The following PXK variants were observed in gnomAD, a reference collection of about 807,000 sequenced individuals.
The protein encoded by PXK is PX domain-containing protein kinase-like protein.
PXK carries 35 observed loss-of-function variants against 84.7 expected under a neutral mutation model. That is an observed-to-expected ratio of 0.41 (90% CI 0.32 to 0.55). The LOEUF (loss-of-function observed/expected upper bound fraction) is 0.55, where lower values mean the gene tolerates loss of function less well. Among genes scored for constraint, PXK ranks in the 20% least tolerant of loss-of-function variants. The pLI is 0.21. For missense variants in PXK, 634 were observed against 699.7 expected (o/e 0.91, Z 1.06); for synonymous variants, 253 against 260.8 (o/e 0.97, Z 0.29).
At chr3:58,423,035 A>C in intron 17 of PXK, 1 of 985,170 alleles carries the variant, frequency 1.0e-6, no homozygotes, top group Non-Finnish European at 1.2e-6. Flanking sequence ...ACTGGCACCT[A>C]CTTACCCCCA....
chr3:58,353,239 C>T (rs113943202), intron 1 of PXK, among the ~76,000 whole-genome samples: 7,003 of 152,174 alleles, frequency 0.046, 230 homozygotes, highest in Middle Eastern at 0.092. Context: ...CCTCGTGATC[C>T]GCCCGCCTCG....
At chr3:58,339,736 C>T (rs1210880375) in intron 1 of PXK, among the ~76,000 whole-genome samples, 2 of 152,278 alleles carry the variant, frequency 1.3e-5, no homozygotes, top group East Asian at 1.9e-4. Flanking sequence ...TTTTGCTTCC[C>T]TAGGGAACAG....
chr3:58,340,717 C>G (rs1025441155), intron 1 of PXK, among the ~76,000 whole-genome samples: 1 of 150,118 alleles, frequency 6.7e-6, no homozygotes, highest in African/African-American at 2.5e-5. Flanking sequence ...AAGAGGGAAA[C>G]TCTGTCTCAA....
chr3:58,417,868 GTC>G (rs1013334735), intron 17 of PXK, among the ~76,000 whole-genome samples: 1 of 152,172 alleles, frequency 6.6e-6, no homozygotes, highest in African/African-American at 2.4e-5. Context: ...TTGAGACAGG[GTC>G]TCTCTCTGTC....
At position 58,399,518 on chromosome 3, in the gene PXK, C is replaced by A; in HGVS notation, c.1181+141C>A. 2 of 759,596 alleles carry A rather than the reference C, an allele frequency of 2.6e-6. No homozygotes were observed. The highest frequency in any genetic ancestry group is 4.5e-6 in the Non-Finnish European group (2 of 443,224). 47.1% of individuals were successfully genotyped at this position (759,596 alleles called of 1,614,324 possible). On this transcript the variant is annotated intron_variant, in intron 12 of 17. Transcript: ENST00000356151. This position sits in a 1 kb window ranked among gnomAD's most constrained non-coding sequence, Gnocchi z 4.3. Reference sequence around the variant, plus strand: ...TGGCCTGCTTGCTGATGGGCACTTGCAGCATGATATCCTCACCCTTTGTTT... The same window carrying A: ...TGGCCTGCTTGCTGATGGGCACTTGAAGCATGATATCCTCACCCTTTGTTT...
chr3:58,337,592 C>A (rs1278974386), intron 1 of PXK, among the ~76,000 whole-genome samples: 1 of 152,084 alleles, frequency 6.6e-6, no homozygotes, highest in African/African-American at 2.4e-5. Flanking sequence ...GCCTCAGCCT[C>A]CTGAGTAGCT....
chr3:58,422,081 C>T, intron 17 of PXK: 2 of 985,362 alleles, frequency 2.0e-6, no homozygotes, highest in Non-Finnish European at 2.4e-6. Flanking sequence ...GTTGCCCCTG[C>T]CCCCTCTTCC....
At position 58,416,697 on chromosome 3, in the gene PXK, T is replaced by C. The variant is rs1254656636; in HGVS notation, c.1528+3734T>C. 6.6e-6 allele frequency among the ~76,000 whole-genome samples: 1 copy of C among 150,622 alleles called. No individual in the cohort carries two copies. The highest frequency in any genetic ancestry group is 1.5e-5 in the Non-Finnish European group (1 of 67,528). ...ATACAGTCGTGAGATCTCGGCTCAC[T>C]GCAACTTCCGCCTCCTGGGTTCAAG... On this transcript the variant is annotated intron_variant, in intron 17 of 17. Coordinates refer to ENST00000356151, the MANE Select transcript of PXK (RefSeq NM_017771.5). The surrounding 1 kb of genome is among the most constrained non-coding windows in gnomAD (Gnocchi z 4.8).
Position 58,400,101 on chromosome 3 carries a change from G to A in PXK, c.1181+724G>A, listed in dbSNP as rs144416192. 6.2e-3 allele frequency among the ~76,000 whole-genome samples: 938 copies of A among 152,132 alleles called. 8 individuals carry two copies. Among genetic ancestry groups the A allele is most frequent in the Non-Finnish European group, 0.011 (760 of 67,998 alleles). ...TTCCAGCTTCACCACTTCTACCTGG[G>A]TGACCTTAGACAAATTTCCTAACCT... is the stretch of plus-strand genomic sequence containing the variant. On this transcript the variant is annotated intron_variant, in intron 12 of 17. Transcript: ENST00000356151. The surrounding 1 kb of genome is among the most constrained non-coding windows in gnomAD (Gnocchi z 4.0).
chr3:58,424,626 G>GT (rs2062551239), intron 17 of PXK, 126 bp from the exon 18 acceptor site: 1 of 1,298,474 alleles, frequency 7.7e-7, no homozygotes, highest in Non-Finnish European at 1.0e-6. Context: ...ACAGTACTAG[G>GT]TATGTTGGTC....
chr3:58,374,060 A>AG (rs1324748138), intron 3 of PXK, among the ~76,000 whole-genome samples: 1 of 151,240 alleles, frequency 6.6e-6, no homozygotes, highest in East Asian at 1.9e-4. Context: ...AAAAAAAAAA[A>AG]GTTTTCCCTC....
intron 3 of PXK, among the ~76,000 whole-genome samples, chr3:58,380,966 G>C (rs1184524650): frequency 6.6e-6 from 1 of 151,672 alleles, no homozygotes; most frequent in Non-Finnish European, 1.5e-5. Flanking sequence ...CGCCAACAGA[G>C]GGCCAGGCGC....
intron 13 of PXK, among the ~76,000 whole-genome samples, chr3:58,405,787 A>G (rs1043089103): frequency 1.2e-4 from 18 of 152,038 alleles, no homozygotes; most frequent in African/African-American, 4.1e-4. Context: ...CAAAAAAAAA[A>G]AAGAAATGAT....
intron 3 of PXK, among the ~76,000 whole-genome samples, chr3:58,380,636 C>T (rs112827221): frequency 0.018 from 2,766 of 151,978 alleles, 83 homozygotes; most frequent in African/African-American, 0.063. Flanking sequence ...CAGGGTAAAA[C>T]CCCATCTCTA....
Position 58,401,653 on chromosome 3 carries a change from G to A in PXK, c.1182-2209G>A, listed in dbSNP as rs925293306. On this transcript the variant is annotated intron_variant, in intron 12 of 17. Coordinates refer to ENST00000356151, the MANE Select transcript of PXK (RefSeq NM_017771.5). The surrounding 1 kb of genome is among the most constrained non-coding windows in gnomAD (Gnocchi z 4.4). ...AAATAAAACAAAGTGAGGGGCAGGC[G>A]TGGTGGCTCATGCCTGTAATCCCAG... 2.0e-5 allele frequency among the ~76,000 whole-genome samples: 3 copies of A among 151,642 alleles called. No homozygotes were observed. The highest frequency in any genetic ancestry group is 2.1e-4 in the South Asian group (1 of 4,794).
At chr3:58,357,645 AT>A (rs2098114088) in intron 1 of PXK, among the ~76,000 whole-genome samples, 1 of 152,212 alleles carries the variant, frequency 6.6e-6, no homozygotes, top group Non-Finnish European at 1.5e-5. Context: ...TAGCTCCATT[AT>A]AATCTTATTA....
At chr3:58,352,805 G>T (rs1364637228) in intron 1 of PXK, among the ~76,000 whole-genome samples, 7 of 152,122 alleles carry the variant, frequency 4.6e-5, no homozygotes, top group Admixed American at 2.0e-4. Flanking sequence ...TTTGAAGTCG[G>T]TGTGGAGACC....
In PXK at chr3:58,379,860, A is replaced by T. The variant is rs2098481469; in HGVS notation, c.202-2654A>T. ...GTAGTCCCAGCTACAGGTGTGTACC[A>T]CTTGTAGAGGCTGAGGTGACAGGAT... On this transcript the variant is annotated intron_variant, in intron 3 of 17. Coordinates refer to ENST00000356151, the MANE Select transcript of PXK (RefSeq NM_017771.5). This position sits in a 1 kb window ranked among gnomAD's most constrained non-coding sequence, Gnocchi z 5.1. Among the ~76,000 whole-genome samples, 2 of 152,030 alleles carry T rather than the reference A, an allele frequency of 1.3e-5. No individual in the cohort carries two copies. Among genetic ancestry groups the T allele is most frequent in the Admixed American group, 6.5e-5 (1 of 15,268 alleles).
rs546473683 is a variant in PXK, at chr3:58,387,609, G to A, written c.389-2973G>A. Among the ~76,000 whole-genome samples the A allele has an allele frequency of 1.2e-3, 176 of 152,282 alleles. 1 individual carries two copies. Among genetic ancestry groups the A allele is most frequent in the Non-Finnish European group, 2.1e-3 (140 of 67,994 alleles). Reference sequence around the variant, plus strand: ...TCCTACACGGAGATCTGAGGGGTGAGTAGAAGGTAGCCAGGCCGAGAGGCA... The same window carrying A: ...TCCTACACGGAGATCTGAGGGGTGAATAGAAGGTAGCCAGGCCGAGAGGCA... On this transcript the variant is annotated intron_variant, in intron 4 of 17. Transcript: ENST00000356151.
Sources: gnomAD v4.1 joint callset for allele counts (sites outside exome capture counted in the v4.1 genomes callset) on GRCh38, gnomAD v4.1.1 for gene constraint, Gnocchi (gnomAD v3.1) non-coding constraint, MANE v1.5 for transcripts, NCBI Gene and HGNC (gene_info 2026-07-23, HGNC 2026-07-21) for gene names.